The following IQSEC1 variants were observed in gnomAD, a reference collection of about 807,000 sequenced individuals.
IQSEC1 encodes IQ motif and Sec7 domain ArfGEF 1.
In IQSEC1, 31 loss-of-function variants were observed where a neutral mutation model predicts 91.0. The ratio of observed to expected loss-of-function variants is 0.34; its 90% confidence interval spans 0.26 to 0.46. The LOEUF is 0.46. Ranked by LOEUF, IQSEC1 falls within the 20% of genes least tolerant of loss-of-function variation. IQSEC1 has a pLI of 1.00. For synonymous variants in IQSEC1, 699 were observed against 662.6 expected (o/e 1.05, Z -0.84); for missense variants, 1,388 against 1,575.6 (o/e 0.88, Z 2.02).
In IQSEC1 at chr3:12,935,420, A is replaced by C. The variant is rs775879305; in HGVS notation, c.1568+28T>G. Reference sequence around the variant, plus strand: ...AAGGCCCAGCAAGCCACAGCTGCCCACCCTGAGGGGTCACCCATGGTACTC... The same window carrying C: ...AAGGCCCAGCAAGCCACAGCTGCCCCCCCTGAGGGGTCACCCATGGTACTC... On this transcript the variant is annotated intron_variant, in intron 3 of 13. Transcript: ENST00000613206. The surrounding 1 kb of genome is among the most constrained non-coding windows in gnomAD (Gnocchi z 8.0). The C allele has an allele frequency of 6.3e-7, 1 of 1,586,406 alleles. No individual in the cohort carries two copies. Among genetic ancestry groups the C allele is most frequent in the South Asian group, 1.1e-5 (1 of 88,374 alleles).
chr3:12,913,016 ACT>A (rs1177988005), intron 9 of IQSEC1, among the ~76,000 whole-genome samples: 1 of 152,220 alleles, frequency 6.6e-6, no homozygotes, highest in Non-Finnish European at 1.5e-5. Context: ...ACAAGCGCTA[ACT>A]CTGCAACCTC....
intron 1 of IQSEC1, among the ~76,000 whole-genome samples, chr3:13,201,101 G>A (rs1344331980): frequency 1.3e-5 from 2 of 152,230 alleles, no homozygotes; most frequent in African/African-American, 4.8e-5. Flanking sequence ...CACAACAAAT[G>A]CGTGAGGTGA....
chr3:12,990,900 G>C (rs1449344121), intron 1 of IQSEC1, among the ~76,000 whole-genome samples: 2 of 152,228 alleles, frequency 1.3e-5, no homozygotes, highest in African/African-American at 2.4e-5. Context: ...GTCTGGCATG[G>C]AGTAGATGCT....
At chr3:13,233,869 C>T (rs1236015908) in intron 1 of IQSEC1, among the ~76,000 whole-genome samples, 1 of 152,166 alleles carries the variant, frequency 6.6e-6, no homozygotes, top group African/African-American at 2.4e-5. Context: ...TCTCTGTGCC[C>T]TGTAACATGG....
chr3:13,235,744 T>C (rs1194129427), intron 1 of IQSEC1, among the ~76,000 whole-genome samples: 1 of 152,198 alleles, frequency 6.6e-6, no homozygotes, highest in Non-Finnish European at 1.5e-5. Context: ...TTGGGAAATG[T>C]CTGAAGTCAT....
At chr3:13,235,324 C>A (rs1246327792) in intron 1 of IQSEC1, among the ~76,000 whole-genome samples, 1 of 152,164 alleles carries the variant, frequency 6.6e-6, no homozygotes, top group Admixed American at 6.5e-5. Flanking sequence ...TGGCCACACC[C>A]TTCCCCTGGC....
chr3:13,160,129 T>C (rs1463385837), intron 2 of IQSEC1, among the ~76,000 whole-genome samples: 1 of 152,134 alleles, frequency 6.6e-6, no homozygotes, highest in African/African-American at 2.4e-5. Context: ...CAGGGGAAAG[T>C]AGTGAGCGTG....
chr3:13,199,759 C>T (rs182004355), intron 1 of IQSEC1, among the ~76,000 whole-genome samples: 4 of 149,646 alleles, frequency 2.7e-5, no homozygotes, highest in South Asian at 2.2e-4. Flanking sequence ...TGTCCCCGGA[C>T]GTGAGGATGC....
In IQSEC1 at chr3:12,900,357, G is replaced by A; in HGVS notation, c.*626C>T. The A allele has an allele frequency of 1.0e-6, 1 of 984,938 alleles. No homozygotes were observed. Among genetic ancestry groups the A allele is most frequent in the Non-Finnish European group, 1.2e-6 (1 of 829,796 alleles). 61.0% of individuals were successfully genotyped at this position (984,938 alleles called of 1,614,324 possible). On this transcript the variant is annotated 3_prime_UTR_variant, in exon 14 of 14. Coordinates refer to ENST00000613206, the MANE Select transcript of IQSEC1 (RefSeq NM_001134382.3). ...GTCTCACACACCCAGCTAAGGTACT[G>A]TCTTCCTATTAGGTAAGTGGAGCTC...
intron 6 of IQSEC1, 92 bp downstream of exon 6, chr3:12,920,338 G>A (rs1696504936): frequency 7.7e-7 from 1 of 1,297,448 alleles, no homozygotes; most frequent in African/African-American, 1.5e-5. Context: ...CCCAACTGGA[G>A]GTTGCCTCAC....
intron 1 of IQSEC1, among the ~76,000 whole-genome samples, chr3:12,991,778 G>A (rs538866183): frequency 1.6e-4 from 25 of 152,178 alleles, no homozygotes; most frequent in Non-Finnish European, 3.1e-4. Context: ...ACAAATGGTC[G>A]CAGTTCTTCT....
intron 2 of IQSEC1, among the ~76,000 whole-genome samples, chr3:13,091,472 C>T (rs190114848): frequency 1.3e-5 from 2 of 152,362 alleles, no homozygotes; most frequent in East Asian, 3.9e-4. Flanking sequence ...TTGACTTGGG[C>T]TTGGGCCTAC....
At position 12,941,623 on chromosome 3, in the gene IQSEC1, G is replaced by A; in HGVS notation, c.266C>T (p.Ser89Leu). 3.7e-6 allele frequency: 6 copies of A among 1,610,778 alleles called. No individual in the cohort carries two copies. The highest frequency in any genetic ancestry group is 4.2e-6 in the Non-Finnish European group (5 of 1,178,640). ...CTCATAGCTCTCGGAGAGTGAGCGTGAGCGCTTGATGGCCTCCTCCTCAGC... is the reference window on the plus strand; with the variant it reads ...CTCATAGCTCTCGGAGAGTGAGCGTAAGCGCTTGATGGCCTCCTCCTCAGC... ...KQAEEEAIKRSRSLSESYELS... is the reference protein window; with the variant it reads ...KQAEEEAIKRLRSLSESYELS... The change falls in exon 2 of 14, where the codon TCA becomes TTA. Residue 89 changes from serine (S) to leucine (L), a missense_variant. Coordinates refer to ENST00000613206, the MANE Select transcript of IQSEC1 (RefSeq NM_001134382.3).
At chr3:13,186,625 A>C (rs1276835058) in intron 1 of IQSEC1, among the ~76,000 whole-genome samples, 1 of 152,182 alleles carries the variant, frequency 6.6e-6, no homozygotes, top group Non-Finnish European at 1.5e-5. Context: ...GCAGAGGCCC[A>C]TCTGGAGATC....
chr3:13,163,458 G>A (rs1365312314), intron 2 of IQSEC1, among the ~76,000 whole-genome samples: 2 of 152,086 alleles, frequency 1.3e-5, no homozygotes, highest in Non-Finnish European at 2.9e-5. Context: ...CATGACCATG[G>A]CCTTCTTGGT....
chr3:13,053,504 C>T (rs1220269959), intron 1 of IQSEC1, among the ~76,000 whole-genome samples: 2 of 152,224 alleles, frequency 1.3e-5, no homozygotes, highest in Non-Finnish European at 2.9e-5. Context: ...AGACGATGAC[C>T]TTGTGTGTTC....
At chr3:13,226,589 CAAA>C (rs59319538) in intron 1 of IQSEC1, among the ~76,000 whole-genome samples, 215 of 144,326 alleles carry the variant, frequency 1.5e-3, no homozygotes, top group African/African-American at 2.4e-3. Flanking sequence ...CCATCTCTAC[CAAA>C]AAAAAAAAAA....
chr3:13,007,846 C>G (rs1435488003), intron 1 of IQSEC1, among the ~76,000 whole-genome samples: 3 of 152,162 alleles, frequency 2.0e-5, no homozygotes, highest in Non-Finnish European at 4.4e-5. Context: ...TCTGGGGCCC[C>G]ACCCGTACCC....
At chr3:13,085,193 G>T (rs1012862444) in intron 2 of IQSEC1, among the ~76,000 whole-genome samples, 1 of 152,142 alleles carries the variant, frequency 6.6e-6, no homozygotes, top group Non-Finnish European at 1.5e-5. Context: ...TGAGGAAACT[G>T]ATGCTCAGAG....
Sources: allele counts gnomAD v4.1 joint callset (sites outside exome capture counted in the v4.1 genomes callset), GRCh38; gene constraint gnomAD v4.1.1; non-coding constraint Gnocchi (gnomAD v3.1); transcripts MANE v1.5; gene names NCBI Gene and HGNC (gene_info 2026-07-23, HGNC 2026-07-21).